Variants in ATAD2 observed in about 807,000 individuals in gnomAD.
ATAD2 encodes the protein ATPase family AAA domain containing 2, also known as ATPase family AAA domain-containing protein 2.
In ATAD2, 62 loss-of-function variants were observed where a neutral mutation model predicts 168.9. The observed-to-expected ratio is 0.37, with a 90% CI of 0.30 to 0.45. ATAD2 has a LOEUF of 0.45. ATAD2 is among the 20% of genes least tolerant of loss of function. ATAD2 has a pLI of 1.00. For missense variants in ATAD2, 1,419 were observed against 1,667.8 expected, an observed-to-expected ratio of 0.85 and a Z score of 2.60; for synonymous variants, 613 against 571.6, an observed-to-expected ratio of 1.07 and a Z score of -1.03.
chr8:123,367,277 C>T (rs1174051000), intron 8 of ATAD2, among the ~76,000 whole-genome samples: 1 of 152,074 alleles, frequency 6.6e-6, no homozygotes, highest in Non-Finnish European at 1.5e-5. Context: ...ATTAGCGGGG[C>T]ATGGTGGCAG....
At position 123,339,288 on chromosome 8, in the gene ATAD2, T is replaced by C. The variant is rs554657140; in HGVS notation, c.2854+23A>G. 21 of 1,484,126 alleles carry C rather than the reference T, an allele frequency of 1.4e-5. No homozygotes were observed. The South Asian group carries it at 2.4e-4, about 17-fold the overall frequency. The allele number at this position is 1,484,126 out of a possible 1,614,324, so 91.9% of individuals were successfully genotyped here. On this transcript the variant is annotated intron_variant, in intron 20 of 27. Coordinates refer to ENST00000287394, the MANE Select transcript of ATAD2 (RefSeq NM_014109.4). ...CCTACTTTCTCAAAATTATTAAATA[T>C]TAACTTTGATATAGAAACTAACCTG... is the stretch of plus-strand genomic sequence containing the variant.
intron 19 of ATAD2, among the ~76,000 whole-genome samples, chr8:123,344,344 CTTTTTTTTT>C (rs764379399): frequency 1.6e-5 from 2 of 125,862 alleles, no homozygotes; most frequent in East Asian, 4.3e-4. Context: ...TTTTTAAATA[CTTTTTTTTT>C]TTTTTTTTTT....
In ATAD2 at chr8:123,402,772, T is replaced by C. The variant is rs1302837884; in HGVS notation, c.-2281-1597A>G. Among the ~76,000 whole-genome samples the C allele has an allele frequency of 1.3e-5, 2 of 151,950 alleles. No individual in the cohort carries two copies. The highest frequency in any genetic ancestry group is 2.9e-5 in the Non-Finnish European group (2 of 67,998). On this transcript the variant is annotated intron_variant, in intron 1 of 28. Coordinates refer to the ATAD2 transcript ENST00000521903. The surrounding 1 kb of genome is among the most constrained non-coding windows in gnomAD (Gnocchi z 4.8). Reference sequence around the variant, plus strand: ...ACACTTTGGGATCATAGTTGCGTCATTGTGTATTAAATAATCAGAATAAAT... The same window carrying C: ...ACACTTTGGGATCATAGTTGCGTCACTGTGTATTAAATAATCAGAATAAAT...
In ATAD2 at chr8:123,334,220, T is replaced by C. The variant is rs575422290; in HGVS notation, c.3314A>G (p.Gln1105Arg). 2 of 1,588,684 alleles carry C rather than the reference T, an allele frequency of 1.3e-6. No homozygotes were observed. Among genetic ancestry groups the C allele is most frequent in the African/African-American group, 1.4e-5 (1 of 73,288 alleles). The change falls in exon 23 of 28, where the codon CAG becomes CGG. Residue 1105 changes from glutamine (Q) to arginine (R), a missense_variant. This residue lies in a region of ATAD2 where 545 missense variants were observed against 724.9 expected (regional missense o/e 0.75). Coordinates refer to ENST00000287394, the MANE Select transcript of ATAD2 (RefSeq NM_014109.4). ...EDFEQLCEEI[Q>R]ESRKKRGCSS... ...CCTACCTCTTTTCTTTCTAGATTCCTGAATTTCTTCACAGAGCTGCTCAAA... is the reference window on the plus strand; with the variant it reads ...CCTACCTCTTTTCTTTCTAGATTCCCGAATTTCTTCACAGAGCTGCTCAAA...
intron 27 of ATAD2, 127 bp from the exon 28 acceptor site, chr8:123,321,302 AT>A (rs1563828995): frequency 5.0e-6 from 4 of 797,524 alleles, no homozygotes; most frequent in Non-Finnish European, 7.7e-6. Flanking sequence ...GATAGTGAAA[AT>A]AAACATTCAG....
At chr8:123,360,712 T>C (rs1055231675) in intron 9 of ATAD2, among the ~76,000 whole-genome samples, 3 of 151,878 alleles carry the variant, frequency 2.0e-5, no homozygotes, top group African/African-American at 7.2e-5. Flanking sequence ...AACCTGTCTC[T>C]ATTAAAAGAA....
In ATAD2 at chr8:123,334,143, T is replaced by C. The variant is rs73705905; in HGVS notation, c.3334+57A>G. ...TTCAGATGCTTCTGAAATTCATATA[T>C]TCTGAAATTCATTGATAATATTAGG... is the stretch of plus-strand genomic sequence containing the variant. On this transcript the variant is annotated intron_variant, in intron 23 of 27. Coordinates refer to ENST00000287394, the MANE Select transcript of ATAD2 (RefSeq NM_014109.4). 3.6e-4 allele frequency: 551 copies of C among 1,543,590 alleles called. 1 individual carries two copies. The African/African-American group carries it at 6.9e-3, about 19-fold the overall frequency.
At chr8:123,411,605 G>C (rs942788185) in intron 1 of ATAD2, among the ~76,000 whole-genome samples, 1 of 152,134 alleles carries the variant, frequency 6.6e-6, no homozygotes, top group African/African-American at 2.4e-5. Flanking sequence ...AGGAGGTAAA[G>C]AAATAGCCAA....
intron 8 of ATAD2, 80 bp downstream of exon 8, chr8:123,368,978 C>CA: frequency 2.7e-6 from 2 of 730,304 alleles, no homozygotes; most frequent in Non-Finnish European, 4.1e-6. Context: ...CTAATACACC[C>CA]AATCCTGAAA....
chr8:123,373,398 T>C (rs764831636), intron 2 of ATAD2, among the ~76,000 whole-genome samples: 6 of 152,086 alleles, frequency 3.9e-5, no homozygotes, highest in Non-Finnish European at 8.8e-5. Flanking sequence ...AAACAAGACA[T>C]AACTGTATTT....
intron 1 of ATAD2, among the ~76,000 whole-genome samples, chr8:123,414,662 C>T (rs142542049): frequency 1.7e-3 from 261 of 152,232 alleles, no homozygotes; most frequent in Non-Finnish European, 3.0e-3. Flanking sequence ...AAAGGCATAA[C>T]GATAACACAT....
At chr8:123,403,067 C>T (rs997040568) in intron 1 of ATAD2, among the ~76,000 whole-genome samples, 9 of 152,034 alleles carry the variant, frequency 5.9e-5, no homozygotes, top group East Asian at 3.9e-4. Context: ...CAAGATGGCG[C>T]GCTTCAAGAG....
At chr8:123,378,888 C>T (rs1453069155) in intron 2 of ATAD2, among the ~76,000 whole-genome samples, 3 of 151,594 alleles carry the variant, frequency 2.0e-5, no homozygotes, top group Non-Finnish European at 4.4e-5. Flanking sequence ...ACCTCCCCAG[C>T]TCAAGTGATC....
At position 123,371,713 on chromosome 8, in the gene ATAD2, T is replaced by A; in HGVS notation, c.493A>T (p.Ser165Cys). 1 of 1,613,446 alleles carries A rather than the reference T, an allele frequency of 6.2e-7. No homozygotes were observed. Among genetic ancestry groups the A allele is most frequent in the Non-Finnish European group, 8.5e-7 (1 of 1,179,764 alleles). Reference sequence around the variant, plus strand: ...AACAGCATGGACTGGTTTACACCACTATAACGACTTCTAATCCTACAACTT... The same window carrying A: ...AACAGCATGGACTGGTTTACACCACAATAACGACTTCTAATCCTACAACTT... ...RRSCRIRSRY[S>C]GVNQSMLFDK... is the part of the protein sequence containing the mutation. Residue 165 changes from serine to cysteine, a missense_variant, in exon 4 of 28, where the codon AGT becomes TGT. Around this residue, in one of 5 missense-constraint regions of ATAD2, gnomAD observed 419 missense variants for 423.5 expected, o/e 0.99. Transcript: ENST00000287394.
At chr8:123,333,783 A>G (rs1176167475) in intron 24 of ATAD2, 95 bp downstream of exon 24, 2 of 1,330,278 alleles carry the variant, frequency 1.5e-6, no homozygotes, top group Non-Finnish European at 1.0e-6. Flanking sequence ...AATTCACTGC[A>G]TTAACACAAA....
rs528353032 is a variant in ATAD2, at chr8:123,402,133, G to A, written c.-2281-958C>T. 127 of 809,312 alleles carry A rather than the reference G, an allele frequency of 1.6e-4. No homozygotes were observed. The African/African-American group carries it at 2.1e-3, about 13-fold the overall frequency. 50.1% of individuals were successfully genotyped at this position (809,312 alleles called of 1,614,324 possible). A position where few individuals can be genotyped will look rare whatever the true frequency, so the allele number is the denominator to read the frequency against. ...GACAGCAGTGGAGGCCGAGGTGGTG[G>A]AGGGGGCACCCCCCAGTGTCCACCT... is the stretch of plus-strand genomic sequence containing the variant. On this transcript the variant is annotated intron_variant, in intron 1 of 28. Coordinates refer to the ATAD2 transcript ENST00000521903. The surrounding 1 kb of genome is among the most constrained non-coding windows in gnomAD (Gnocchi z 4.8).
chr8:123,388,718 G>A (rs568342297), intron 1 of ATAD2, among the ~76,000 whole-genome samples: 4 of 151,776 alleles, frequency 2.6e-5, no homozygotes, highest in South Asian at 2.1e-4. Context: ...TGGTGGGGGC[G>A]GGGGGGTGGT....
chr8:123,396,511 C>T, upstream of ATAD2: 1 of 731,554 alleles, frequency 1.4e-6, no homozygotes, highest in Non-Finnish European at 2.2e-6. Context: ...GCCGTCTGTC[C>T]CGCCCACGCC....
At position 123,336,673 on chromosome 8, in the gene ATAD2, CTTGAT is replaced by C. The variant is rs1448381969; in HGVS notation, c.3052-146_3052-142del. 1.7e-5 allele frequency: 11 copies of C among 630,102 alleles called. No homozygotes were observed. The South Asian group carries it at 4.4e-4, about 25-fold the overall frequency. The allele number at this position is 630,102 out of a possible 1,614,324, so 39.0% of individuals were successfully genotyped here. On this transcript the variant is annotated intron_variant, in intron 21 of 27. Transcript: ENST00000287394. The stretch of plus-strand genomic sequence containing the variant: ...AATATATTTAACATAAAACCTTTCA[CTTGAT>C]TTAAGGCTGTTTTTGTTTTGTATTT...
Sources: gnomAD v4.1 joint callset for allele counts (sites outside exome capture counted in the v4.1 genomes callset) on GRCh38, gnomAD v4.1.1 for gene constraint, gnomAD v4.1.1 regional missense constraint, Gnocchi (gnomAD v3.1) non-coding constraint, MANE v1.5 for transcripts, NCBI Gene and HGNC (gene_info 2026-07-23, HGNC 2026-07-21) for gene names.